Variants in DACH2 observed in about 807,000 individuals in gnomAD.
The protein encoded by DACH2 is dachshund homolog 2.
In DACH2, 17 loss-of-function variants were observed where a neutral mutation model predicts 35.8. The observed-to-expected ratio is 0.48, with a 90% CI of 0.33 to 0.71. The LOEUF (loss-of-function observed/expected upper bound fraction) is 0.71. Ranked by LOEUF, DACH2 falls within the 30% of genes least tolerant of loss-of-function variation. The pLI, the probability that DACH2 is intolerant of heterozygous loss-of-function variation, is 0.02. For synonymous variants in DACH2, 195 were observed against 177.3 expected (o/e 1.10, Z -0.79); for missense variants, 469 against 472.7 (o/e 0.99, Z 0.07).
chrX:86,291,255 G>A (rs1385375455), intron 1 of DACH2, among the ~76,000 whole-genome samples: 1 of 106,561 alleles, frequency 9.4e-6, no homozygotes, highest in Admixed American at 1.0e-4. Flanking sequence ...GAATGCTTGT[G>A]ATTTTTGTAC....
At chrX:86,728,422 A>T in intron 6 of DACH2, among the ~76,000 whole-genome samples, 1 of 112,805 alleles carries the variant, frequency 8.9e-6, no homozygotes, top group East Asian at 2.8e-4. Context: ...TATGTGGCAA[A>T]AAAAGAAAAA....
intron 1 of DACH2, among the ~76,000 whole-genome samples, chrX:86,285,917 C>A (rs2034134438): frequency 9.1e-6 from 1 of 110,414 alleles, no homozygotes; most frequent in African/African-American, 3.3e-5. Flanking sequence ...TACATAATGA[C>A]CTTCTTTGTC....
intron 2 of DACH2, among the ~76,000 whole-genome samples, chrX:86,491,350 A>C (rs1045892983): frequency 4.5e-5 from 5 of 111,919 alleles, no homozygotes; most frequent in Non-Finnish European, 9.4e-5. Flanking sequence ...CAAAATGTTA[A>C]ACCTGTGCAG....
At chrX:86,503,575 T>A (rs979141933) in intron 2 of DACH2, among the ~76,000 whole-genome samples, 2 of 112,138 alleles carry the variant, frequency 1.8e-5, no homozygotes, top group African/African-American at 6.5e-5. Context: ...GAAATGCAGA[T>A]CCACAATGGT....
Position 86,395,634 on chromosome X carries a change from G to A in DACH2, c.527+18772G>A, listed in dbSNP as rs766479376. ...TTCCCACCTATGAGTGAGAACATGCGGTGTTTGGTTTTTTGTCCTTGCGAT... is the reference window on the plus strand; with the variant it reads ...TTCCCACCTATGAGTGAGAACATGCAGTGTTTGGTTTTTTGTCCTTGCGAT... On this transcript the variant is annotated intron_variant, in intron 2 of 11. Coordinates refer to ENST00000373125, the MANE Select transcript of DACH2 (RefSeq NM_053281.3). Among the ~76,000 whole-genome samples the A allele has an allele frequency of 1.1e-4, 12 of 110,833 alleles. No homozygotes were observed. In the East Asian group the frequency reaches 2.0e-3, roughly 19 times the overall value.
At chrX:86,698,229 A>G (rs1439321210) in intron 5 of DACH2, among the ~76,000 whole-genome samples, 1 of 110,259 alleles carries the variant, frequency 9.1e-6, no homozygotes, top group African/African-American at 3.3e-5. Context: ...TCTAACCACA[A>G]GAATTAAAAA....
chrX:86,356,798 C>A (rs1009577297), intron 1 of DACH2, among the ~76,000 whole-genome samples: 3 of 111,314 alleles, frequency 2.7e-5, no homozygotes, highest in Non-Finnish European at 5.7e-5. Context: ...TTTTTACTTT[C>A]TTTTCTTGAA....
chrX:86,618,639 C>A (rs188780988), intron 3 of DACH2, among the ~76,000 whole-genome samples: 3 of 111,574 alleles, frequency 2.7e-5, no homozygotes, highest in Admixed American at 1.9e-4. Flanking sequence ...GTTTAGTTAT[C>A]GTAATATTGT....
chrX:86,267,297 A>C (rs1191723525), intron 1 of DACH2, among the ~76,000 whole-genome samples: 1 of 112,234 alleles, frequency 8.9e-6, no homozygotes, highest in East Asian at 2.8e-4. Flanking sequence ...TCATATAGAA[A>C]TCTGTGAATA....
At chrX:86,672,579 T>C (rs1290455073) in intron 4 of DACH2, among the ~76,000 whole-genome samples, 1 of 111,703 alleles carries the variant, frequency 9.0e-6, no homozygotes, top group Non-Finnish European at 1.9e-5. Context: ...CTCCAGAGGG[T>C]GAAAGTTGTT....
At chrX:86,582,169 A>G (rs1278785463) in intron 3 of DACH2, among the ~76,000 whole-genome samples, 6 of 111,696 alleles carry the variant, frequency 5.4e-5, no homozygotes, top group African/African-American at 1.9e-4. Context: ...TGAGAAAAAA[A>G]TAAAACAAAC....
chrX:86,476,220 C>G (rs1318339965), intron 2 of DACH2, among the ~76,000 whole-genome samples: 1 of 111,869 alleles, frequency 8.9e-6, no homozygotes, highest in Non-Finnish European at 1.9e-5. Context: ...CCCTTCTTCT[C>G]TCTTTTCCAG....
At chrX:86,790,789 G>A (rs1398393849) in intron 7 of DACH2, among the ~76,000 whole-genome samples, 2 of 111,014 alleles carry the variant, frequency 1.8e-5, no homozygotes, top group African/African-American at 6.6e-5. Context: ...CGATCCTCCT[G>A]CCTCAGCCTC....
intron 3 of DACH2, among the ~76,000 whole-genome samples, chrX:86,563,543 G>A (rs759487324): frequency 7.0e-4 from 77 of 110,699 alleles, no homozygotes; most frequent in Non-Finnish European, 1.2e-3. Context: ...ACTATTTTGA[G>A]ATATAACAAT....
chrX:86,404,838 G>T (rs757782352), intron 2 of DACH2, among the ~76,000 whole-genome samples: 1 of 112,211 alleles, frequency 8.9e-6, no homozygotes, highest in Non-Finnish European at 1.9e-5. Flanking sequence ...CTTCTGCCTG[G>T]ATATCCAGGC....
At chrX:86,565,978 T>C (rs1038762825) in intron 3 of DACH2, among the ~76,000 whole-genome samples, 3 of 111,985 alleles carry the variant, frequency 2.7e-5, no homozygotes, top group Non-Finnish European at 5.7e-5. Flanking sequence ...TATGGTCTAA[T>C]TCTTTTAAAT....
chrX:86,303,436 G>A (rs2034614938), intron 1 of DACH2, among the ~76,000 whole-genome samples: 3 of 110,330 alleles, frequency 2.7e-5, no homozygotes, highest in Non-Finnish European at 5.7e-5. Context: ...ATGTGAAGTA[G>A]AACATATTAG....
chrX:86,814,908 TA>T, intron 10 of DACH2, 74 bp downstream of exon 10: 2 of 1,021,568 alleles, frequency 2.0e-6, no homozygotes, highest in East Asian at 6.2e-5. Flanking sequence ...GAAGAAGGAA[TA>T]AAAAGAGAGG....
At position 86,492,497 on chromosome X, in the gene DACH2, T is replaced by C. The variant is rs780386832; in HGVS notation, c.528-21782T>C. Among the ~76,000 whole-genome samples the C allele has an allele frequency of 9.8e-5, 11 of 112,301 alleles. No individual in the cohort carries two copies. In the East Asian group the frequency reaches 3.1e-3, roughly 32 times the overall value. On this transcript the variant is annotated intron_variant, in intron 2 of 11. Coordinates refer to ENST00000373125, the MANE Select transcript of DACH2 (RefSeq NM_053281.3). The stretch of plus-strand genomic sequence containing the variant: ...GATTCAGAAGGTGCATGTGCAATTT[T>C]GTTACAAAGTTATATTGCGTGATGC...
Sources: allele counts gnomAD v4.1 joint callset (sites outside exome capture counted in the v4.1 genomes callset), GRCh38; gene constraint gnomAD v4.1.1; transcripts MANE v1.5; gene names NCBI Gene and HGNC (gene_info 2026-07-23, HGNC 2026-07-21).